Variants in UGGT2 observed in about 807,000 individuals in gnomAD.
The protein encoded by UGGT2 is UDP-glucose glycoprotein glucosyltransferase 2.
In UGGT2, 180 loss-of-function variants were observed where a neutral mutation model predicts 192.1. The ratio of observed to expected loss-of-function variants is 0.94; its 90% CI spans 0.83 to 1.06. UGGT2 has a LOEUF of 1.06. Among genes scored for constraint, UGGT2 ranks in the 50% least tolerant of loss-of-function variants. The pLI is 0.00. For synonymous variants in UGGT2, 580 were observed against 591.0 expected, an observed-to-expected ratio of 0.98 and a Z score of 0.27; for missense variants, 1,849 against 1,795.7, an observed-to-expected ratio of 1.03 and a Z score of -0.54.
intron 5 of UGGT2, among the ~76,000 whole-genome samples, chr13:96,003,327 A>G (rs1452811742): frequency 1.3e-5 from 2 of 152,172 alleles, no homozygotes; most frequent in East Asian, 3.8e-4. Context: ...TACTGAAATA[A>G]GCTACTTATC....
At chr13:96,039,245 T>A (rs1400304963) in intron 1 of UGGT2, among the ~76,000 whole-genome samples, 1 of 152,170 alleles carries the variant, frequency 6.6e-6, no homozygotes, top group African/African-American at 2.4e-5. Context: ...CTATAGTCCA[T>A]TTCCTGCCTA....
At chr13:95,933,532 A>C (rs959171585) in intron 17 of UGGT2, among the ~76,000 whole-genome samples, 1 of 152,012 alleles carries the variant, frequency 6.6e-6, no homozygotes, top group Admixed American at 6.6e-5. Context: ...TTCATTGTAT[A>C]AATTTTTGGG....
At chr13:95,983,576 G>A (rs926399127) in intron 10 of UGGT2, 7 of 605,524 alleles carry the variant, frequency 1.2e-5, no homozygotes, top group East Asian at 7.0e-5. Flanking sequence ...ATACTACCTC[G>A]GAAGAAATTC....
chr13:95,813,883 C>T (rs1295815512), intron 38 of UGGT2, among the ~76,000 whole-genome samples: 4 of 152,182 alleles, frequency 2.6e-5, no homozygotes, highest in Non-Finnish European at 4.4e-5. Context: ...GCTCCAGCAT[C>T]GGCTAAAGGA....
In UGGT2 at chr13:95,990,072, C is replaced by T. The variant is rs982484102; in HGVS notation, c.832G>A (p.Glu278Lys). The T allele has an allele frequency of 7.6e-6, 12 of 1,583,724 alleles. No homozygotes were observed. Among genetic ancestry groups the T allele is most frequent in the African/African-American group, 4.0e-5 (3 of 74,108 alleles). Reference protein sequence around the residue: ...VQGFLFGKLKEIYSDLRDNLT... With the variant: ...VQGFLFGKLKKIYSDLRDNLT... Reference sequence around the variant, plus strand: ...TTATCTCTAAGATCTGAATATATTTCTCTGCATCAAAATATTAAGTGATGT... The same window carrying T: ...TTATCTCTAAGATCTGAATATATTTTTCTGCATCAAAATATTAAGTGATGT... Residue 278 changes from glutamate (E) to lysine (K), a missense_variant and splice_region_variant, in exon 8 of 39, where the codon GAA becomes AAA. Glu to Lys is a moderately conservative substitution (Grantham distance 56). Coordinates refer to ENST00000376747, the MANE Select transcript of UGGT2 (RefSeq NM_020121.4).
At chr13:95,973,754 G>A (rs987014228) in intron 10 of UGGT2, among the ~76,000 whole-genome samples, 1 of 152,136 alleles carries the variant, frequency 6.6e-6, no homozygotes, top group African/African-American at 2.4e-5. Context: ...GTTTAATCCT[G>A]ATCTTTCTAC....
chr13:95,933,853 T>G (rs1475079189), intron 17 of UGGT2, among the ~76,000 whole-genome samples: 2 of 152,022 alleles, frequency 1.3e-5, no homozygotes, highest in African/African-American at 4.8e-5. Flanking sequence ...AGCTAATTTT[T>G]TTTTGTACTT....
intron 2 of UGGT2, among the ~76,000 whole-genome samples, chr13:96,028,935 C>T (rs896079227): frequency 6.6e-6 from 1 of 151,778 alleles, no homozygotes; most frequent in Admixed American, 6.6e-5. Flanking sequence ...CACGAGGTCA[C>T]GAGATCGAGA....
At chr13:95,922,130 A>G (rs2048864173) in intron 20 of UGGT2, among the ~76,000 whole-genome samples, 1 of 152,256 alleles carries the variant, frequency 6.6e-6, no homozygotes, top group Admixed American at 6.5e-5. Flanking sequence ...ATTGATTGAT[A>G]GAATGAGATC....
intron 11 of UGGT2, 137 bp from the exon 12 acceptor site, chr13:95,970,399 T>C: frequency 1.4e-6 from 1 of 721,724 alleles, no homozygotes; most frequent in East Asian, 2.8e-5. Context: ...TATATTAAAC[T>C]CATTAAGAAA....
intron 20 of UGGT2, among the ~76,000 whole-genome samples, chr13:95,921,595 G>A (rs900274302): frequency 2.0e-5 from 3 of 151,718 alleles, no homozygotes; most frequent in Non-Finnish European, 4.4e-5. Flanking sequence ...AAATCAAGAG[G>A]ACAAAAACAA....
At chr13:95,927,478 T>A in intron 17 of UGGT2, 142 bp from the exon 18 acceptor site, 1 of 817,734 alleles carries the variant, frequency 1.2e-6, no homozygotes, top group East Asian at 2.9e-5. Context: ...TTCTTTTTTT[T>A]TTTTTTTTTT....
In UGGT2 at chr13:95,937,080, T is replaced by A; in HGVS notation, c.1821A>T (p.Ala607=). The change falls in exon 17 of 39, where the codon GCA becomes GCT. Residue 607 remains alanine (A), a synonymous_variant. Transcript: ENST00000376747. ...SKYDEERKAG[A]SFYKMTGLGP... is the part of the protein sequence containing the mutation. ...CCAGGCCAGTCATCTTATAAAAGCT[T>A]GCTCCAGCCTATTCAGTTAAAAAAT... 1 of 1,594,306 alleles carries A rather than the reference T, an allele frequency of 6.3e-7. No individual in the cohort carries two copies. The highest frequency in any genetic ancestry group is 8.5e-7 in the Non-Finnish European group (1 of 1,175,660).
intron 36 of UGGT2, among the ~76,000 whole-genome samples, chr13:95,842,588 T>C (rs766379849): frequency 2.6e-5 from 4 of 152,170 alleles, no homozygotes; most frequent in Admixed American, 6.5e-5. Flanking sequence ...ATCTAGTGAC[T>C]ACCTTCTAAC....
intron 5 of UGGT2, 100 bp from the exon 6 acceptor site, chr13:95,999,407 C>A (rs899210105): frequency 9.4e-7 from 1 of 1,068,592 alleles, no homozygotes; most frequent in African/African-American, 1.6e-5. Flanking sequence ...GGGTAAATTA[C>A]TAATATTGAA....
intron 25 of UGGT2, among the ~76,000 whole-genome samples, chr13:95,890,094 G>A (rs1490476780): frequency 6.6e-6 from 1 of 152,110 alleles, no homozygotes; most frequent in African/African-American, 2.4e-5. Context: ...TGTTATTTTG[G>A]CCTTTGTTAT....
chr13:95,813,829 C>T (rs939246861), intron 38 of UGGT2, among the ~76,000 whole-genome samples: 4 of 152,190 alleles, frequency 2.6e-5, no homozygotes, highest in Admixed American at 2.6e-4. Context: ...TCCTGCTGCC[C>T]TGCACAGCCT....
At chr13:95,885,941 G>C (rs944388656) in intron 26 of UGGT2, among the ~76,000 whole-genome samples, 3 of 151,392 alleles carry the variant, frequency 2.0e-5, no homozygotes, top group Non-Finnish European at 4.4e-5. Flanking sequence ...AAGGAATGAA[G>C]AAGAGGGAAA....
intron 38 of UGGT2, among the ~76,000 whole-genome samples, chr13:95,810,090 CAT>C (rs1405493670): frequency 6.6e-6 from 1 of 152,204 alleles, no homozygotes; most frequent in Non-Finnish European, 1.5e-5. Context: ...TGGATAACCA[CAT>C]GTGACGACCT....
Sources: allele counts gnomAD v4.1 joint callset (sites outside exome capture counted in the v4.1 genomes callset), GRCh38; gene constraint gnomAD v4.1.1; transcripts MANE v1.5; gene names NCBI Gene and HGNC (gene_info 2026-07-23, HGNC 2026-07-21).